The following TSNARE1 variants were observed in gnomAD, a reference collection of about 807,000 sequenced individuals.
TSNARE1 encodes the protein t-SNARE domain-containing protein 1.
A neutral mutation model predicts 62.0 loss-of-function variants in TSNARE1; 49 were observed. The ratio of observed to expected loss-of-function variants is 0.79; its 90% confidence interval spans 0.63 to 1.00. TSNARE1 has a LOEUF of 1.00. Ranked by LOEUF, TSNARE1 falls within the 50% of genes least tolerant of loss-of-function variation. The pLI, the probability that TSNARE1 is intolerant of heterozygous loss-of-function variation, is 0.00. For synonymous variants in TSNARE1, 328 were observed against 294.4 expected, an observed-to-expected ratio of 1.11 and a Z score of -1.17; for missense variants, 755 against 700.1, an observed-to-expected ratio of 1.08 and a Z score of -0.88.
intron 1 of TSNARE1, among the ~76,000 whole-genome samples, chr8:142,363,461 G>A (rs1210963276): frequency 6.6e-6 from 1 of 152,154 alleles, no homozygotes; most frequent in African/African-American, 2.4e-5. Flanking sequence ...CCAGCCCCAT[G>A]AGCCTGGCTC....
At chr8:142,288,683 TG>T (rs1823229446) in intron 10 of TSNARE1, among the ~76,000 whole-genome samples, 2 of 152,052 alleles carry the variant, frequency 1.3e-5, no homozygotes, top group Non-Finnish European at 2.9e-5. Context: ...TGGTGGGGGG[TG>T]GGGGCATGTT....
At chr8:142,282,609 G>T (rs796854072) in intron 11 of TSNARE1, among the ~76,000 whole-genome samples, 2,784 of 92,914 alleles carry the variant, frequency 0.03, no homozygotes, top group African/African-American at 0.06. Flanking sequence ...TGAGCAGAGG[G>T]GAGGCCACTG....
At chr8:142,362,264 G>C (rs868258634) in intron 1 of TSNARE1, among the ~76,000 whole-genome samples, 1 of 152,212 alleles carries the variant, frequency 6.6e-6, no homozygotes, top group South Asian at 2.1e-4. Context: ...GCGGAGCTGT[G>C]GCCTCAGGGG....
Position 142,330,966 on chromosome 8 carries a change from G to A in TSNARE1, c.828C>T (p.Thr276=). 1 of 1,614,012 alleles carries A rather than the reference G, an allele frequency of 6.2e-7. No homozygotes were observed. Among genetic ancestry groups the A allele is most frequent in the Non-Finnish European group, 8.5e-7 (1 of 1,179,954 alleles). ...ANVFRINSSV[T]SLERSLQSLG... is the part of the protein sequence containing the mutation. ...AGGACTGAAGGCTCCGCTCCAAGGA[G>A]GTCACTGCCCGAGAGAAGAGGGACA... The change falls in exon 6 of 14, where the codon ACC becomes ACT. Residue 276 remains threonine, a synonymous_variant. Transcript: ENST00000524325.
At chr8:142,260,620 C>T (rs939063852) in intron 12 of TSNARE1, among the ~76,000 whole-genome samples, 2 of 152,102 alleles carry the variant, frequency 1.3e-5, no homozygotes, top group Admixed American at 6.5e-5. Flanking sequence ...TGGAAAGCTT[C>T]GATGTGGCCA....
At chr8:142,361,777 G>A (rs1835182308) in intron 1 of TSNARE1, among the ~76,000 whole-genome samples, 1 of 152,160 alleles carries the variant, frequency 6.6e-6, no homozygotes, top group Admixed American at 6.5e-5. Flanking sequence ...AAAAGACAGA[G>A]GGAGCTGTCA....
intron 1 of TSNARE1, among the ~76,000 whole-genome samples, chr8:142,369,373 T>C (rs1587046566): frequency 6.6e-6 from 1 of 152,350 alleles, no homozygotes; most frequent in East Asian, 1.9e-4. Context: ...GGCATGCCCA[T>C]TTCTGAGCAT....
chr8:142,297,827 C>T (rs1346296396), intron 10 of TSNARE1, among the ~76,000 whole-genome samples: 2 of 152,190 alleles, frequency 1.3e-5, no homozygotes, highest in Non-Finnish European at 1.5e-5. Flanking sequence ...TTGTTTTTCC[C>T]GTTTTCAGAG....
intron 1 of TSNARE1, among the ~76,000 whole-genome samples, chr8:142,386,398 G>A (rs527451738): frequency 1.1e-4 from 17 of 152,096 alleles, no homozygotes; most frequent in Admixed American, 7.2e-4. Flanking sequence ...TTCAATATAA[G>A]AACTCTTTAA....
chr8:142,238,416 G>A (rs10088123), intron 12 of TSNARE1, among the ~76,000 whole-genome samples: 2,887 of 152,154 alleles, frequency 0.019, 96 homozygotes, highest in African/African-American at 0.066. Context: ...CTAGGGACAC[G>A]GAAGGAATAA....
At chr8:142,258,334 C>A (rs985925868) in intron 12 of TSNARE1, among the ~76,000 whole-genome samples, 3 of 152,210 alleles carry the variant, frequency 2.0e-5, no homozygotes, top group African/African-American at 7.2e-5. Flanking sequence ...AATGCACGCA[C>A]CCGCCCACTG....
At chr8:142,237,664 G>T (rs906116130) in intron 12 of TSNARE1, among the ~76,000 whole-genome samples, 2 of 152,222 alleles carry the variant, frequency 1.3e-5, no homozygotes, top group Non-Finnish European at 2.9e-5. Flanking sequence ...TCTCCTTCCT[G>T]CAGACAGCCC....
chr8:142,238,430 C>G (rs1817538961), intron 12 of TSNARE1, among the ~76,000 whole-genome samples: 1 of 152,144 alleles, frequency 6.6e-6, no homozygotes, highest in Admixed American at 6.5e-5. Flanking sequence ...GGAATAAAAC[C>G]CTGCCGCTGA....
chr8:142,337,674 C>T (rs935897547), intron 4 of TSNARE1, among the ~76,000 whole-genome samples: 1 of 152,220 alleles, frequency 6.6e-6, no homozygotes, highest in Non-Finnish European at 1.5e-5. Flanking sequence ...GCAGGGGCTG[C>T]CTCATCCCAC....
chr8:142,219,086 C>T (rs1343461332), intron 13 of TSNARE1, among the ~76,000 whole-genome samples: 1 of 152,156 alleles, frequency 6.6e-6, no homozygotes, highest in African/African-American at 2.4e-5. Flanking sequence ...CTTCTTTTCC[C>T]TGTCAGGGCT....
intron 1 of TSNARE1, among the ~76,000 whole-genome samples, chr8:142,356,599 G>A (rs1025254487): frequency 6.6e-6 from 1 of 152,222 alleles, no homozygotes; most frequent in Non-Finnish European, 1.5e-5. Flanking sequence ...GGAGGAAACA[G>A]ACACTATCCA....
At chr8:142,285,007 G>A (rs968164685) in intron 10 of TSNARE1, among the ~76,000 whole-genome samples, 1 of 152,242 alleles carries the variant, frequency 6.6e-6, no homozygotes, top group Non-Finnish European at 1.5e-5. Context: ...CACAGGCACT[G>A]CTCAGCAAAT....
At chr8:142,356,587 G>C (rs1013903061) in intron 1 of TSNARE1, among the ~76,000 whole-genome samples, 1 of 152,202 alleles carries the variant, frequency 6.6e-6, no homozygotes. Flanking sequence ...GAAACACAGC[G>C]TGGAGGAAAC....
chr8:142,262,833 T>C (rs1025526162), intron 12 of TSNARE1, among the ~76,000 whole-genome samples: 1 of 152,196 alleles, frequency 6.6e-6, no homozygotes, highest in Non-Finnish European at 1.5e-5. Flanking sequence ...ACGCCTCTTT[T>C]CTTTATAAAT....
Sources: allele counts gnomAD v4.1 joint callset (sites outside exome capture counted in the v4.1 genomes callset), GRCh38; gene constraint gnomAD v4.1.1; transcripts MANE v1.5; gene names NCBI Gene and HGNC (gene_info 2026-07-23, HGNC 2026-07-21).